Variants in COA5 observed in about 807,000 individuals in gnomAD.
COA5 encodes the protein cytochrome c oxidase assembly factor 5.
A neutral mutation model predicts 11.8 loss-of-function variants in COA5; 11 were observed. The observed-to-expected ratio is 0.93, with a 90% confidence interval of 0.59 to 1.54. COA5 has a LOEUF of 1.54. Among genes scored for constraint, COA5 ranks in the 40% most tolerant of loss-of-function variants. The pLI is 0.00. For missense variants in COA5, 87 were observed against 89.2 expected (o/e 0.97, Z 0.10); for synonymous variants, 38 against 37.5 (o/e 1.01, Z -0.05).
At chr2:98,603,199 C>A (rs574189503) in intron 2 of COA5, among the ~76,000 whole-genome samples, 5 of 152,232 alleles carry the variant, frequency 3.3e-5, no homozygotes, top group South Asian at 2.1e-4. Context: ...ATGCTCAAGG[C>A]CAGGTGTGGT....
chr2:98,601,263 T>C (rs1315988354), intron 2 of COA5, among the ~76,000 whole-genome samples: 1 of 150,246 alleles, frequency 6.7e-6, no homozygotes, highest in Non-Finnish European at 1.5e-5. Context: ...ATAAGAAAGA[T>C]GGCATTAAAA....
intron 1 of COA5, among the ~76,000 whole-genome samples, chr2:98,606,819 C>T (rs1332712555): frequency 6.6e-6 from 1 of 152,220 alleles, no homozygotes; most frequent in Non-Finnish European, 1.5e-5. Context: ...CAGGCCTTCA[C>T]ACCTGGCTGC....
chr2:98,601,999 A>T (rs1700648256), intron 2 of COA5, among the ~76,000 whole-genome samples: 2 of 152,140 alleles, frequency 1.3e-5, no homozygotes, highest in African/African-American at 2.4e-5. Context: ...ATTCTATAGG[A>T]AGGAATTATT....
At chr2:98,603,630 AG>A (rs1413303543) in intron 2 of COA5, among the ~76,000 whole-genome samples, 2 of 152,230 alleles carry the variant, frequency 1.3e-5, no homozygotes. Flanking sequence ...TCCAAATCAA[AG>A]AATGTTAGAA....
At chr2:98,607,263 C>T (rs1213076273) in intron 1 of COA5, among the ~76,000 whole-genome samples, 1 of 152,182 alleles carries the variant, frequency 6.6e-6, no homozygotes, top group Admixed American at 6.5e-5. Flanking sequence ...TTACCAGGAG[C>T]TGGCTGAACG....
In COA5 at chr2:98,608,349, C is replaced by T. The variant is rs1373831320; in HGVS notation, c.57G>A (p.Glu19=). The part of the protein sequence containing the change: ...PQGGACAGLK[E]DLGACLLQSD... ...ACTGCAGCAGACACGCGCCCAGGTC[C>T]TCCTTCAGGCCCGCGCACGCGCCGC... The change falls in exon 1 of 3, where the codon GAG becomes GAA. Residue 19 remains glutamate (E), a synonymous_variant. Coordinates refer to ENST00000328709, the MANE Select transcript of COA5 (RefSeq NM_001008215.3). The T allele has an allele frequency of 2.5e-6, 4 of 1,609,792 alleles. No homozygotes were observed. The South Asian group carries it at 3.3e-5, about 13-fold the overall frequency.
At chr2:98,608,018 T>G (rs935454488) in intron 1 of COA5, among the ~76,000 whole-genome samples, 2 of 152,236 alleles carry the variant, frequency 1.3e-5, no homozygotes, top group African/African-American at 4.8e-5. Context: ...CCTTTATGTC[T>G]CCAAAGCCTA....
At chr2:98,601,600 C>A (rs1210655847) in intron 2 of COA5, among the ~76,000 whole-genome samples, 1 of 152,176 alleles carries the variant, frequency 6.6e-6, no homozygotes. Flanking sequence ...GGCAAACTTG[C>A]ATAGTCAATG....
intron 1 of COA5, among the ~76,000 whole-genome samples, chr2:98,607,410 A>C (rs1175925508): frequency 1.3e-5 from 2 of 152,244 alleles, no homozygotes; most frequent in Non-Finnish European, 2.9e-5. Context: ...CTCAAGTTTT[A>C]CTAGACATTG....
chr2:98,607,236 T>A (rs1223430142), intron 1 of COA5, among the ~76,000 whole-genome samples: 1 of 152,204 alleles, frequency 6.6e-6, no homozygotes. Flanking sequence ...GTACCATGCC[T>A]GCCACTTAAG....
Position 98,608,482 on chromosome 2 carries a change from C to T in COA5, c.-77G>A, listed in dbSNP as rs564546627. 5.1e-6 allele frequency: 6 copies of T among 1,182,714 alleles called. No individual in the cohort carries two copies. Among genetic ancestry groups the T allele is most frequent in the Non-Finnish European group, 6.1e-6 (5 of 821,750 alleles). The allele number at this position is 1,182,714 out of a possible 1,614,324, so 73.3% of individuals were successfully genotyped here. A position where few individuals can be genotyped will look rare whatever the true frequency, so the allele number is the denominator to read the frequency against. On this transcript the variant is annotated 5_prime_UTR_variant, in exon 1 of 3. Coordinates refer to ENST00000328709, the MANE Select transcript of COA5 (RefSeq NM_001008215.3). ...GCAACCGGGTCGGGAGCGAGCGAGG[C>T]CCCAGTCTCAGGGGACCGGAAGCCA...
In COA5 at chr2:98,603,753, A is replaced by G. The variant is rs549308613; in HGVS notation, c.183+355T>C. ...TCTTAGTCACATAAGGCACAAATGT[A>G]TACACCTTGGAGCTCCACATTATAT... is the stretch of plus-strand genomic sequence containing the variant. On this transcript the variant is annotated intron_variant, in intron 2 of 2. Transcript: ENST00000328709. Among the ~76,000 whole-genome samples the G allele has an allele frequency of 1.1e-3, 162 of 152,332 alleles. 1 individual carries two copies. The South Asian group carries it at 0.032, about 30-fold the overall frequency.
chr2:98,604,358 TG>T (rs1700683225), intron 1 of COA5, 167 bp from the exon 2 acceptor site: 1 of 609,236 alleles, frequency 1.6e-6, no homozygotes, highest in Admixed American at 3.0e-5. Context: ...GCCTAAAGAA[TG>T]AAAAAAAAAT....
At chr2:98,604,259 C>T in intron 1 of COA5, 68 bp from the exon 2 acceptor site, 2 of 1,194,328 alleles carry the variant, frequency 1.7e-6, no homozygotes, top group East Asian at 4.7e-5. Context: ...AATAATTGTC[C>T]TTCTGAAAAT....
At chr2:98,601,928 G>A (rs948181370) in intron 2 of COA5, among the ~76,000 whole-genome samples, 3 of 152,106 alleles carry the variant, frequency 2.0e-5, no homozygotes, top group Non-Finnish European at 2.9e-5. Flanking sequence ...TTCCCCGTCC[G>A]TGGAAAGATT....
At chr2:98,600,820 A>G (rs1365057220) in intron 2 of COA5, 27 bp from the exon 3 acceptor site, 1 of 1,442,930 alleles carries the variant, frequency 6.9e-7, no homozygotes, top group South Asian at 1.2e-5. Flanking sequence ...AATTAAATCA[A>G]ATTTGGTACA....
intron 1 of COA5, among the ~76,000 whole-genome samples, chr2:98,605,106 A>T (rs1332353057): frequency 1.3e-5 from 2 of 152,204 alleles, no homozygotes; most frequent in Non-Finnish European, 2.9e-5. Context: ...GCCTGGGGTA[A>T]AGATCCATCT....
intron 1 of COA5, among the ~76,000 whole-genome samples, chr2:98,606,704 C>T (rs1700709758): frequency 6.6e-6 from 1 of 152,184 alleles, no homozygotes; most frequent in Non-Finnish European, 1.5e-5. Flanking sequence ...GAGTTTCTTT[C>T]CTCAGTCCTA....
chr2:98,600,460 AAC>A lies in COA5; in HGVS notation c.*290_*291del, dbSNP rs1195090611. 24 of 441,922 alleles carry A rather than the reference AAC, an allele frequency of 5.4e-5. No homozygotes were observed. Among genetic ancestry groups the A allele is most frequent in the Non-Finnish European group, 9.1e-5 (22 of 240,578 alleles). The allele number at this position is 441,922 out of a possible 1,614,324, so 27.4% of individuals were successfully genotyped here. On this transcript the variant is annotated 3_prime_UTR_variant, in exon 3 of 3. Transcript: ENST00000328709. ...CAATTGAAGAGTCAAGTTTGCAAAT[AAC>A]AGTCTTTCCATTTTCTGTGCTTTAG... is the stretch of plus-strand genomic sequence containing the variant.
Sources: allele counts gnomAD v4.1 joint callset (sites outside exome capture counted in the v4.1 genomes callset), GRCh38; gene constraint gnomAD v4.1.1; transcripts MANE v1.5; gene names NCBI Gene and HGNC (gene_info 2026-07-23, HGNC 2026-07-21).